ENTPD8: variants seen among roughly 807,000 people sequenced by gnomAD.
ENTPD8 encodes the protein E-NTPDase 8.
Under a neutral mutation model 47.0 loss-of-function variants are expected in ENTPD8, and 35 were observed. The ratio of observed to expected loss-of-function variants is 0.75; its 90% CI spans 0.57 to 0.99. ENTPD8 has a LOEUF of 0.99. Ranked by LOEUF, ENTPD8 falls within the 50% of genes least tolerant of loss-of-function variation. The pLI, the probability that ENTPD8 is intolerant of heterozygous loss-of-function variation, is 0.00. For synonymous variants in ENTPD8, 308 were observed against 290.5 expected, an observed-to-expected ratio of 1.06 and a Z score of -0.61; for missense variants, 668 against 649.9, an observed-to-expected ratio of 1.03 and a Z score of -0.30.
chr9:137,436,656 A>C lies in ENTPD8; in HGVS notation c.651T>G (p.Pro217=). The C allele has an allele frequency of 6.3e-7, 1 of 1,599,578 alleles. No individual in the cohort carries two copies. The highest frequency in any genetic ancestry group is 1.1e-5 in the South Asian group (1 of 89,268). The change falls in exon 6 of 10, where the codon CCT becomes CCG. Residue 217 remains proline (P), a synonymous_variant. Transcript: ENST00000371506. ...TGCTCTTGTCCAAGATGGGGCCCCC[A>C]GGCACGAACGTGATCTGGGTGGAGG... ...GGASTQITFV[P]GGPILDKSTQ... is the part of the protein sequence containing the mutation.
rs1839281995 is a variant in ENTPD8 at position 137,434,577 on chromosome 9, C to A, written c.*337G>T. ...CCTGAGGCCCCATCAGGAGCAGGACCCCTGTGCCTCCGTGGTCTTGCCCTG... is the reference window on the plus strand; with the variant it reads ...CCTGAGGCCCCATCAGGAGCAGGACACCTGTGCCTCCGTGGTCTTGCCCTG... On this transcript the variant is annotated 3_prime_UTR_variant, in exon 10 of 10. Transcript: ENST00000371506. 1.7e-6 allele frequency: 1 copy of A among 605,716 alleles called. No homozygotes were observed. The highest frequency in any genetic ancestry group is 1.9e-5 in the African/African-American group (1 of 53,414). 37.5% of individuals were successfully genotyped at this position (605,716 alleles called of 1,614,324 possible). A position where few individuals can be genotyped will look rare whatever the true frequency, so the allele number is the denominator to read the frequency against.
At chr9:137,437,600 C>T (rs1027469369) in intron 3 of ENTPD8, among the ~76,000 whole-genome samples, 8 of 152,328 alleles carry the variant, frequency 5.3e-5, no homozygotes, top group Non-Finnish European at 1.0e-4. Context: ...GAAACAAATT[C>T]GGGGCCTCCT....
chr9:137,435,486 C>G, intron 8 of ENTPD8, 148 bp from the exon 9 acceptor site: 1 of 1,377,044 alleles, frequency 7.3e-7, no homozygotes, highest in African/African-American at 1.5e-5. Flanking sequence ...CCCCACCGAC[C>G]AGTTACGTGG....
At chr9:137,440,104 C>T (rs1229637456) in intron 1 of ENTPD8, among the ~76,000 whole-genome samples, 3 of 46,498 alleles carry the variant, frequency 6.5e-5, no homozygotes, top group Non-Finnish European at 1.3e-4. Context: ...AGGACAGCCC[C>T]CCAGACCAGG....
chr9:137,434,848 G>C lies in ENTPD8; in HGVS notation c.*66C>G, dbSNP rs1438903318. The C allele has an allele frequency of 6.7e-7, 1 of 1,495,432 alleles. No individual in the cohort carries two copies. 92.6% of individuals were successfully genotyped at this position (1,495,432 alleles called of 1,614,324 possible). A position where few individuals can be genotyped will look rare whatever the true frequency, so the allele number is the denominator to read the frequency against. Reference sequence around the variant, plus strand: ...AAGGCCCCACGGCGCTCAGGGCTCAGGAAGCCTCCAGCATCCGGGACGCAG... The same window carrying C: ...AAGGCCCCACGGCGCTCAGGGCTCACGAAGCCTCCAGCATCCGGGACGCAG... On this transcript the variant is annotated 3_prime_UTR_variant, in exon 10 of 10. Transcript: ENST00000371506.
At chr9:137,436,412 C>A in intron 6 of ENTPD8, 109 bp downstream of exon 6, 2 of 1,347,332 alleles carry the variant, frequency 1.5e-6, no homozygotes, top group Non-Finnish European at 2.0e-6. Flanking sequence ...CCACGCCAGC[C>A]CCGCGCCCAT....
chr9:137,436,780 G>A lies in ENTPD8; in HGVS notation c.556-29C>T, dbSNP rs777473391. ...GGCACAGAAGGGGCCACTCAGCTGGGAGCAGCCACCCGGACCCCGTCCCGG... is the reference window on the plus strand; with the variant it reads ...GGCACAGAAGGGGCCACTCAGCTGGAAGCAGCCACCCGGACCCCGTCCCGG... On this transcript the variant is annotated intron_variant, in intron 5 of 9. Transcript: ENST00000371506. 1.6e-5 allele frequency: 25 copies of A among 1,602,106 alleles called. 1 individual carries two copies. In the South Asian group the frequency reaches 2.6e-4, roughly 17 times the overall value.
chr9:137,439,908 G>T (rs1274203621), intron 1 of ENTPD8, among the ~76,000 whole-genome samples: 3 of 86,816 alleles, frequency 3.5e-5, no homozygotes, highest in African/African-American at 1.5e-4. Flanking sequence ...GCCCCCCCGA[G>T]ACCAGGACAG....
chr9:137,436,647 G>A lies in ENTPD8; in HGVS notation c.660C>T (p.Pro220=), dbSNP rs1839370017. Residue 220 remains proline (P), a synonymous_variant, in exon 6 of 10, where the codon CCC becomes CCT. Transcript: ENST00000371506. ...STQITFVPGG[P]ILDKSTQADF... ...CGGCCTGGGTGCTCTTGTCCAAGAT[G>A]GGGCCCCCAGGCACGAACGTGATCT... The A allele has an allele frequency of 6.2e-7, 1 of 1,602,556 alleles. No homozygotes were observed. Among genetic ancestry groups the A allele is most frequent in the African/African-American group, 1.3e-5 (1 of 74,840 alleles).
chr9:137,434,671 C>T lies in ENTPD8; in HGVS notation c.*243G>A. The T allele has an allele frequency of 1.6e-6, 1 of 618,456 alleles. No homozygotes were observed. The highest frequency in any genetic ancestry group is 2.7e-6 in the Non-Finnish European group (1 of 364,530). The allele number at this position is 618,456 out of a possible 1,614,324, so 38.3% of individuals were successfully genotyped here. ...ACCACGAGTCCTGGCGGCCTGTGTG[C>T]AGAAAGGCACCTACGGCCCTGGAAG... On this transcript the variant is annotated 3_prime_UTR_variant, in exon 10 of 10. Coordinates refer to ENST00000371506, the MANE Select transcript of ENTPD8 (RefSeq NM_001033113.2).
chr9:137,434,435 C>T lies in ENTPD8; in HGVS notation c.*479G>A. 1 of 1,471,396 alleles carries T rather than the reference C, an allele frequency of 6.8e-7. No homozygotes were observed. Among genetic ancestry groups the T allele is most frequent in the Non-Finnish European group, 9.1e-7 (1 of 1,103,244 alleles). 91.1% of individuals were successfully genotyped at this position (1,471,396 alleles called of 1,614,324 possible). A position where few individuals can be genotyped will look rare whatever the true frequency, so the allele number is the denominator to read the frequency against. On this transcript the variant is annotated 3_prime_UTR_variant, in exon 10 of 10. Coordinates refer to ENST00000371506, the MANE Select transcript of ENTPD8 (RefSeq NM_001033113.2). ...TCACCCTCCAAGTGGGTGTGGGAGG[C>T]CGGGCTGGCCCAGCAGAAGCCCCCA...
In ENTPD8 at chr9:137,434,482, C is replaced by T. The variant is rs753970951; in HGVS notation, c.*432G>A. The T allele has an allele frequency of 5.8e-6, 7 of 1,203,212 alleles. No individual in the cohort carries two copies. In the Admixed American group the frequency reaches 7.2e-5, roughly 12 times the overall value. 74.5% of individuals were successfully genotyped at this position (1,203,212 alleles called of 1,614,324 possible). A position where few individuals can be genotyped will look rare whatever the true frequency, so the allele number is the denominator to read the frequency against. ...CCCAGGCCTGGACTCCATCCATCTG[C>T]TCAGACAACAGCAGGGAGAGCGGGG... On this transcript the variant is annotated 3_prime_UTR_variant, in exon 10 of 10. Transcript: ENST00000371506.
rs78674871 is a variant in ENTPD8, at chr9:137,435,301, C to T, written c.1199G>A (p.Arg400Gln). 2.0e-5 allele frequency: 33 copies of T among 1,612,314 alleles called. No homozygotes were observed. Among genetic ancestry groups the T allele is most frequent in the Middle Eastern group, 1.7e-4 (1 of 5,948 alleles). The change falls in exon 9 of 10, where the codon CGG becomes CAG. Residue 400 changes from arginine to glutamine, a missense_variant. By Grantham distance (43) the Arg-to-Gln change is conservative (BLOSUM62 1). Transcript: ENST00000371506. Reference protein sequence around the residue: ...ASYPGQDRWLRDYCASGLYIL... With the variant: ...ASYPGQDRWLQDYCASGLYIL... ...GTACAGGCCTGAGGCACAGTAGTCC[C>T]GCAGCCAGCGGTCCTGCCCAGGGTA...
intron 1 of ENTPD8, among the ~76,000 whole-genome samples, chr9:137,439,507 G>A (rs1319040059): frequency 6.6e-6 from 1 of 152,120 alleles, no homozygotes; most frequent in Non-Finnish European, 1.5e-5. Context: ...TCCTGACCTG[G>A]GGCTCCTGGG....
intron 9 of ENTPD8, 45 bp downstream of exon 9, chr9:137,435,159 C>A (rs766946980): frequency 1.2e-6 from 2 of 1,601,568 alleles, no homozygotes; most frequent in East Asian, 4.5e-5. Flanking sequence ...AGGACCACGA[C>A]CTGCCCACGC....
chr9:137,435,566 C>T (rs964835493), intron 8 of ENTPD8, among the ~76,000 whole-genome samples, 153 bp downstream of exon 8: 5 of 152,226 alleles, frequency 3.3e-5, no homozygotes, highest in East Asian at 1.9e-4. Context: ...CAGCCTCCTA[C>T]CTGGAGTGGC....
rs145935333 is a variant in ENTPD8 at position 137,436,922 on chromosome 9, C to T, written c.502G>A (p.Glu168Lys). Residue 168 changes from glutamate to lysine, a missense_variant, in exon 5 of 10, where the codon GAA (glutamate) becomes AAA (lysine). By Grantham distance (56) the Glu-to-Lys change is moderately conservative. Transcript: ENST00000371506. ...WGAELLAGQA[E>K]GAFGWITVNY... The stretch of plus-strand genomic sequence containing the variant: ...ACAGTGATCCAACCAAAGGCACCTT[C>T]GGCCTGCCCGGCCAGGAGCTCGGCA... 136 of 1,613,058 alleles carry T rather than the reference C, an allele frequency of 8.4e-5. No homozygotes were observed. The highest frequency in any genetic ancestry group is 5.6e-4 in the African/African-American group (42 of 75,064).
intron 8 of ENTPD8, 124 bp downstream of exon 8, chr9:137,435,595 C>T (rs1022230219): frequency 9.1e-7 from 1 of 1,103,184 alleles, no homozygotes; most frequent in African/African-American, 1.6e-5. Context: ...GAGCTGTCCT[C>T]TGCCCTTGCC....
chr9:137,435,040 G>A lies in ENTPD8; in HGVS notation c.1362C>T (p.Ala454=), dbSNP rs776458869. ...CTGCCCGCCACTGAGCCGGCGCATC[G>A]GCCGGGATCATCCCGGTCAGGTTCA... ...YMLNLTGMIP[A]DAPAQWRAES... Residue 454 remains alanine, a synonymous_variant, in exon 10 of 10, where the codon GCC becomes GCT. Transcript: ENST00000371506. 52 of 1,612,534 alleles carry A rather than the reference G, an allele frequency of 3.2e-5. No homozygotes were observed. Among genetic ancestry groups the A allele is most frequent in the Admixed American group, 8.3e-5 (5 of 59,972 alleles).
Sources: allele counts gnomAD v4.1 joint callset (sites outside exome capture counted in the v4.1 genomes callset), GRCh38; gene constraint gnomAD v4.1.1; transcripts MANE v1.5; gene names NCBI Gene and HGNC (gene_info 2026-07-23, HGNC 2026-07-21).